PALM2AKAP2: variants seen among roughly 807,000 people sequenced by gnomAD.
PALM2AKAP2 encodes PALM2-AKAP2 fusion protein.
PALM2AKAP2 carries 37 observed loss-of-function variants against 71.5 expected under a neutral mutation model. The observed-to-expected ratio is 0.52, with a 90% CI of 0.40 to 0.68. The LOEUF (loss-of-function observed/expected upper bound fraction) is 0.68. Ranked by LOEUF, PALM2AKAP2 falls within the 30% of genes least tolerant of loss-of-function variation. PALM2AKAP2 has a pLI of 0.00. For missense variants in PALM2AKAP2, 1,224 were observed against 1,191.8 expected, an observed-to-expected ratio of 1.03 and a Z score of -0.40; for synonymous variants, 468 against 478.8, an observed-to-expected ratio of 0.98 and a Z score of 0.29.
chr9:109,888,674 C>T (rs1050431740), intron 3 of PALM2AKAP2, among the ~76,000 whole-genome samples: 1 of 139,682 alleles, frequency 7.2e-6, no homozygotes, highest in Non-Finnish European at 1.5e-5. Context: ...CGCACCATTG[C>T]ACTCCAGCCT....
chr9:109,932,303 G>C (rs1831124861), intron 6 of PALM2AKAP2, among the ~76,000 whole-genome samples: 1 of 152,186 alleles, frequency 6.6e-6, no homozygotes, highest in African/African-American at 2.4e-5. Context: ...CCTTATATCT[G>C]TGTTTATTCT....
At chr9:109,816,976 A>T (rs554266342) in intron 1 of PALM2AKAP2, among the ~76,000 whole-genome samples, 41 of 152,342 alleles carry the variant, frequency 2.7e-4, no homozygotes, top group African/African-American at 9.4e-4. Context: ...ATATTTTTTT[A>T]AAAACTATAG....
intron 3 of PALM2AKAP2, among the ~76,000 whole-genome samples, chr9:109,912,346 C>T (rs2131897924): frequency 6.6e-6 from 1 of 151,988 alleles, no homozygotes; most frequent in South Asian, 2.1e-4. Flanking sequence ...CTTGAGTTTC[C>T]ACTGACACCT....
intron 6 of PALM2AKAP2, among the ~76,000 whole-genome samples, chr9:110,007,740 C>G (rs1310711515): frequency 6.6e-6 from 1 of 152,138 alleles, no homozygotes; most frequent in African/African-American, 2.4e-5. Context: ...TCACGAAAGG[C>G]TAATAATTGG....
intron 6 of PALM2AKAP2, among the ~76,000 whole-genome samples, chr9:109,949,131 C>G (rs1427574067): frequency 6.6e-6 from 1 of 152,250 alleles, no homozygotes; most frequent in Admixed American, 6.5e-5. Flanking sequence ...TTTACTTCTG[C>G]CCGTCTACCA....
intron 1 of PALM2AKAP2, among the ~76,000 whole-genome samples, chr9:110,131,299 GC>G (rs1431657035): frequency 6.6e-6 from 1 of 152,134 alleles, no homozygotes; most frequent in African/African-American, 2.4e-5. Flanking sequence ...AGCTCCCACA[GC>G]CCCTTTGCAC....
intron 1 of PALM2AKAP2, among the ~76,000 whole-genome samples, chr9:109,707,489 T>A (rs1828162317): frequency 6.6e-6 from 1 of 152,158 alleles, no homozygotes; most frequent in South Asian, 2.1e-4. Context: ...AACAGCCAAC[T>A]TGGTTTCCAG....
At chr9:109,995,710 A>C (rs1832560818) in intron 6 of PALM2AKAP2, among the ~76,000 whole-genome samples, 1 of 152,186 alleles carries the variant, frequency 6.6e-6, no homozygotes, top group African/African-American at 2.4e-5. Context: ...ACCTCCCACC[A>C]GGTCCCTCCC....
At chr9:109,701,614 A>C (rs1204448249) in intron 1 of PALM2AKAP2, among the ~76,000 whole-genome samples, 4 of 152,220 alleles carry the variant, frequency 2.6e-5, no homozygotes, top group Admixed American at 2.6e-4. Context: ...TGAAGACTTA[A>C]ATGGTAGACC....
chr9:109,983,201 T>C (rs1832307968), intron 6 of PALM2AKAP2, among the ~76,000 whole-genome samples: 1 of 152,234 alleles, frequency 6.6e-6, no homozygotes, highest in Admixed American at 6.5e-5. Context: ...TGTTAGGGGC[T>C]AGCCTGAAAA....
chr9:109,649,944 C>G (rs148629617), intron 1 of PALM2AKAP2, among the ~76,000 whole-genome samples: 178 of 152,274 alleles, frequency 1.2e-3, no homozygotes, highest in African/African-American at 4.0e-3. Context: ...TGGTGCTTTA[C>G]CACTACTTGA....
At chr9:109,935,084 G>A (rs1477869325) in intron 6 of PALM2AKAP2, among the ~76,000 whole-genome samples, 3 of 152,128 alleles carry the variant, frequency 2.0e-5, no homozygotes, top group East Asian at 1.9e-4. Flanking sequence ...TTTCAAACAC[G>A]CGCAGTTCCT....
intron 1 of PALM2AKAP2, among the ~76,000 whole-genome samples, chr9:109,677,386 G>T (rs1410045971): frequency 6.6e-6 from 1 of 152,108 alleles, no homozygotes; most frequent in African/African-American, 2.4e-5. Flanking sequence ...TGCCATACCA[G>T]GTTGGGCGCG....
At chr9:109,791,798 G>C (rs577035979) in intron 1 of PALM2AKAP2, among the ~76,000 whole-genome samples, 1 of 152,150 alleles carries the variant, frequency 6.6e-6, no homozygotes, top group African/African-American at 2.4e-5. Flanking sequence ...TTGAGCCCAG[G>C]GTCTCCTGCT....
intron 3 of PALM2AKAP2, among the ~76,000 whole-genome samples, chr9:110,160,385 A>T (rs2119244600): frequency 6.6e-6 from 1 of 152,352 alleles, no homozygotes; most frequent in Middle Eastern, 3.4e-3. Context: ...CTGCTCAGTC[A>T]TGCAATTCAT....
chr9:109,911,513 T>G (rs1830569085), intron 3 of PALM2AKAP2, among the ~76,000 whole-genome samples: 1 of 152,214 alleles, frequency 6.6e-6, no homozygotes, highest in African/African-American at 2.4e-5. Flanking sequence ...TATGATTACA[T>G]CACCATCAAT....
chr9:110,156,900 G>A lies in PALM2AKAP2; in HGVS notation c.2748+403G>A, dbSNP rs542894240. Among the ~76,000 whole-genome samples the A allele has an allele frequency of 1.6e-4, 25 of 152,286 alleles. 1 individual carries two copies. In the South Asian group the frequency reaches 5.2e-3, roughly 32 times the overall value. ...TTTTATTTCTCTAGAAAAGGATGAA[G>A]ATGCTGTTCCTTCAAAGCCGACACT... On this transcript the variant is annotated intron_variant, in intron 3 of 3. Coordinates refer to ENST00000374525, the Ensembl canonical transcript of PALM2AKAP2.
At chr9:109,703,679 A>G (rs1828097989) in intron 1 of PALM2AKAP2, among the ~76,000 whole-genome samples, 1 of 152,054 alleles carries the variant, frequency 6.6e-6, no homozygotes, top group South Asian at 2.1e-4. Flanking sequence ...TCTCTAAAAG[A>G]CAGGGGGATG....
chr9:110,049,287 G>A (rs1402104836), intron 1 of PALM2AKAP2, among the ~76,000 whole-genome samples: 1 of 152,192 alleles, frequency 6.6e-6, no homozygotes, highest in Non-Finnish European at 1.5e-5. Flanking sequence ...TAGCTCGCGA[G>A]GAAGGCGCGG....
Sources: allele counts gnomAD v4.1 joint callset (sites outside exome capture counted in the v4.1 genomes callset), GRCh38; gene constraint gnomAD v4.1.1; transcripts MANE v1.5; gene names NCBI Gene and HGNC (gene_info 2026-07-23, HGNC 2026-07-21).